Variants in KATNAL1 observed in about 807,000 individuals in gnomAD.
KATNAL1 encodes the protein katanin p60 ATPase-containing subunit A-like 1.
KATNAL1 carries 32 observed loss-of-function variants against 55.2 expected under a neutral mutation model. That is an observed-to-expected ratio of 0.58 (90% CI 0.44 to 0.78). The LOEUF (loss-of-function observed/expected upper bound fraction) is 0.78, where lower values mean the gene tolerates loss of function less well. Among genes scored for constraint, KATNAL1 ranks in the 30% least tolerant of loss-of-function variants. KATNAL1 has a pLI of 0.00. For missense variants in KATNAL1, 466 were observed against 600.9 expected (o/e 0.78, Z 2.35); for synonymous variants, 193 against 193.6 (o/e 1.00, Z 0.02).
At chr13:30,268,742 A>G (rs75181870) in intron 3 of KATNAL1, among the ~76,000 whole-genome samples, 3,252 of 152,340 alleles carry the variant, frequency 0.021, 45 homozygotes, top group Non-Finnish European at 0.033. Flanking sequence ...AAAAACTACT[A>G]TTCTTCAGCA....
intron 1 of KATNAL1, among the ~76,000 whole-genome samples, chr13:30,306,045 CTTTT>C (rs1883156722): frequency 6.7e-6 from 1 of 149,660 alleles, no homozygotes; most frequent in Non-Finnish European, 1.5e-5. Flanking sequence ...GATTTGTGGT[CTTTT>C]TGTTTTTAAA....
At chr13:30,292,187 G>A (rs1339057891) in intron 1 of KATNAL1, among the ~76,000 whole-genome samples, 1 of 152,156 alleles carries the variant, frequency 6.6e-6, no homozygotes, top group Non-Finnish European at 1.5e-5. Context: ...AATTCAATGA[G>A]GGAAGGACAA....
intron 1 of KATNAL1, among the ~76,000 whole-genome samples, chr13:30,287,583 A>G (rs965730234): frequency 6.6e-6 from 1 of 152,230 alleles, no homozygotes; most frequent in African/African-American, 2.4e-5. Flanking sequence ...ACAGTAACAA[A>G]TTTCAATGTC....
intron 1 of KATNAL1, among the ~76,000 whole-genome samples, chr13:30,293,375 G>A (rs755246401): frequency 6.6e-6 from 1 of 152,006 alleles, no homozygotes; most frequent in East Asian, 1.9e-4. Flanking sequence ...TTTACACTGT[G>A]CACATACACT....
intron 1 of KATNAL1, among the ~76,000 whole-genome samples, chr13:30,297,358 A>G (rs1405096239): frequency 6.6e-6 from 1 of 151,862 alleles, no homozygotes; most frequent in Non-Finnish European, 1.5e-5. Flanking sequence ...GATAATTGTT[A>G]GCATTTTTTA....
chr13:30,216,496 G>T (rs1195162874), intron 9 of KATNAL1, among the ~76,000 whole-genome samples: 1 of 152,202 alleles, frequency 6.6e-6, no homozygotes, highest in Non-Finnish European at 1.5e-5. Flanking sequence ...AGTGCCAAAA[G>T]CAGCAAGCAG....
chr13:30,300,838 T>C (rs907443736), intron 1 of KATNAL1, among the ~76,000 whole-genome samples: 1 of 152,214 alleles, frequency 6.6e-6, no homozygotes, highest in African/African-American at 2.4e-5. Flanking sequence ...AGGCTTTTCA[T>C]TTATTTTTTA....
At chr13:30,256,460 CT>C (rs1170043189) in intron 3 of KATNAL1, among the ~76,000 whole-genome samples, 2 of 152,106 alleles carry the variant, frequency 1.3e-5, no homozygotes, top group African/African-American at 4.8e-5. Context: ...TACCTTTTCT[CT>C]TTCTATAGCT....
At chr13:30,230,394 C>T (rs1593854503) in intron 8 of KATNAL1, 74 bp downstream of exon 8, 2 of 1,357,604 alleles carry the variant, frequency 1.5e-6, no homozygotes, top group Non-Finnish European at 2.0e-6. Flanking sequence ...GCCTTCTAAT[C>T]CATCCATTGA....
At chr13:30,277,945 T>C (rs1018370413) in intron 3 of KATNAL1, among the ~76,000 whole-genome samples, 6 of 121,250 alleles carry the variant, frequency 4.9e-5, no homozygotes, top group Non-Finnish European at 7.9e-5. Flanking sequence ...ATTGCGCCAC[T>C]GCACTCCAGC....
chr13:30,223,459 A>C (rs923552730), intron 9 of KATNAL1, among the ~76,000 whole-genome samples: 1 of 150,800 alleles, frequency 6.6e-6, no homozygotes, highest in Middle Eastern at 3.2e-3. Flanking sequence ...AAAAAAAAAA[A>C]AAAAAAAACT....
intron 10 of KATNAL1, 72 bp from the exon 11 acceptor site, chr13:30,208,810 T>A: frequency 1.9e-6 from 2 of 1,036,266 alleles, no homozygotes; most frequent in Admixed American, 6.0e-5. Context: ...GTAACAAAGT[T>A]ATGAAAAAAA....
At chr13:30,227,688 G>A in intron 8 of KATNAL1, 142 bp from the exon 9 acceptor site, 1 of 622,352 alleles carries the variant, frequency 1.6e-6, no homozygotes, top group Non-Finnish European at 2.6e-6. Flanking sequence ...GGCAAAACCA[G>A]ACACACTAAC....
intron 1 of KATNAL1, among the ~76,000 whole-genome samples, chr13:30,297,207 G>A (rs1447740803): frequency 6.6e-6 from 1 of 151,384 alleles, no homozygotes; most frequent in East Asian, 1.9e-4. Flanking sequence ...GGAGGAGTAG[G>A]AAGAGAGGAA....
At chr13:30,264,020 A>G (rs942678982) in intron 3 of KATNAL1, among the ~76,000 whole-genome samples, 32 of 148,314 alleles carry the variant, frequency 2.2e-4, no homozygotes, top group African/African-American at 4.0e-4. Context: ...ACTGGTACCA[A>G]AACAGAGATA....
intron 1 of KATNAL1, among the ~76,000 whole-genome samples, chr13:30,297,143 T>TA (rs560378346): frequency 0.04 from 4,166 of 103,558 alleles, 83 homozygotes; most frequent in Middle Eastern, 0.051. Flanking sequence ...ACCCTGCCTC[T>TA]AAAAAAAAAA....
intron 3 of KATNAL1, among the ~76,000 whole-genome samples, chr13:30,266,801 C>G (rs1879814613): frequency 6.6e-6 from 1 of 152,252 alleles, no homozygotes; most frequent in South Asian, 2.1e-4. Flanking sequence ...CCAACTTAAC[C>G]AAGGTAATAG....
At chr13:30,216,351 G>C (rs536364381) in intron 9 of KATNAL1, among the ~76,000 whole-genome samples, 8 of 152,260 alleles carry the variant, frequency 5.3e-5, no homozygotes, top group African/African-American at 1.9e-4. Flanking sequence ...GTTCCAGGGA[G>C]GCTCCACTTC....
intron 9 of KATNAL1, among the ~76,000 whole-genome samples, chr13:30,223,252 A>C (rs1435595269): frequency 6.6e-6 from 1 of 151,710 alleles, no homozygotes; most frequent in Non-Finnish European, 1.5e-5. Context: ...ATCCTGGCTA[A>C]CACGGTGAAA....
Sources: gnomAD v4.1 joint callset for allele counts (sites outside exome capture counted in the v4.1 genomes callset) on GRCh38, gnomAD v4.1.1 for gene constraint, MANE v1.5 for transcripts, NCBI Gene and HGNC (gene_info 2026-07-23, HGNC 2026-07-21) for gene names.